Variants in ASTN1 observed in about 807,000 individuals in gnomAD.
The protein encoded by ASTN1 is astrotactin-1.
In ASTN1, 41 loss-of-function variants were observed where a neutral mutation model predicts 140.7. The ratio of observed to expected loss-of-function variants is 0.29; its 90% CI spans 0.23 to 0.38. The LOEUF is 0.38. ASTN1 is among the 10% of genes least tolerant of loss of function. The pLI is 1.00. For synonymous variants in ASTN1, 640 were observed against 652.2 expected, an observed-to-expected ratio of 0.98 and a Z score of 0.29; for missense variants, 1,479 against 1,678.8, an observed-to-expected ratio of 0.88 and a Z score of 2.08.
intron 1 of ASTN1, among the ~76,000 whole-genome samples, chr1:177,096,639 A>G (rs1023229393): frequency 6.6e-6 from 1 of 152,094 alleles, no homozygotes; most frequent in East Asian, 1.9e-4. Context: ...TTCTCTTGAT[A>G]GTGAAAAAGT....
chr1:176,861,144 A>C lies in ASTN1; in HGVS notation c.*3140T>G. On this transcript the variant is annotated 3_prime_UTR_variant, in exon 23 of 23. Transcript: ENST00000361833. ...ATCATACAATAATTCTCTTTTAAAC[A>C]ACACTGTTATACCTGAAGATGGTCA... 2.1e-6 allele frequency: 2 copies of C among 951,922 alleles called. No homozygotes were observed. The highest frequency in any genetic ancestry group is 2.5e-6 in the Non-Finnish European group (2 of 799,420). The allele number at this position is 951,922 out of a possible 1,614,324, so 59.0% of individuals were successfully genotyped here.
chr1:177,033,542 T>A (rs1486197989), intron 2 of ASTN1, among the ~76,000 whole-genome samples: 2 of 152,156 alleles, frequency 1.3e-5, no homozygotes, highest in African/African-American at 4.8e-5. Flanking sequence ...CATTGACAAA[T>A]CTGAATAGAA....
chr1:177,024,471 T>TC, intron 6 of ASTN1, 112 bp downstream of exon 6: 1 of 1,366,704 alleles, frequency 7.3e-7, no homozygotes, highest in Non-Finnish European at 1.0e-6. Flanking sequence ...AGTTTGGTTT[T>TC]CCCCCGGTAG....
chr1:177,011,368 C>G (rs1281289744), intron 8 of ASTN1, among the ~76,000 whole-genome samples: 3 of 152,142 alleles, frequency 2.0e-5, no homozygotes, highest in Non-Finnish European at 4.4e-5. Flanking sequence ...ACTTGTTACT[C>G]TTTCAACTGT....
intron 16 of ASTN1, among the ~76,000 whole-genome samples, chr1:176,929,403 G>A (rs1671107829): frequency 6.6e-6 from 1 of 152,174 alleles, no homozygotes; most frequent in South Asian, 2.1e-4. Context: ...TGGAGGAAGA[G>A]GCCGCTTGCT....
At chr1:177,136,380 T>C (rs1413027906) in intron 1 of ASTN1, among the ~76,000 whole-genome samples, 5 of 148,568 alleles carry the variant, frequency 3.4e-5, no homozygotes, top group African/African-American at 4.9e-5. Flanking sequence ...TGAGACAGGG[T>C]CTCTCTCTGT....
At chr1:176,894,469 C>A in intron 17 of ASTN1, 93 bp downstream of exon 17, 6 of 1,482,618 alleles carry the variant, frequency 4.0e-6, no homozygotes, top group Non-Finnish European at 5.4e-6. Flanking sequence ...TCTAGCATGG[C>A]CCTCAACCAC....
chr1:177,071,621 C>G (rs540504851), intron 1 of ASTN1, among the ~76,000 whole-genome samples: 1 of 152,308 alleles, frequency 6.6e-6, no homozygotes, highest in South Asian at 2.1e-4. Context: ...ATACAAACAG[C>G]CAGGGAGCCC....
intron 8 of ASTN1, among the ~76,000 whole-genome samples, chr1:176,968,477 C>T (rs866319672): frequency 1.3e-5 from 2 of 152,168 alleles, no homozygotes; most frequent in South Asian, 2.1e-4. Context: ...CCCCACCTCC[C>T]ACCTCCCACT....
intron 18 of ASTN1, 35 bp downstream of exon 18, chr1:176,888,036 C>T: frequency 1.2e-6 from 2 of 1,612,650 alleles, no homozygotes; most frequent in East Asian, 2.2e-5. Flanking sequence ...TATCTGTTTC[C>T]AGAGTAATGC....
chr1:176,891,727 A>G (rs995396975), intron 17 of ASTN1, among the ~76,000 whole-genome samples: 3 of 152,194 alleles, frequency 2.0e-5, no homozygotes, highest in Non-Finnish European at 4.4e-5. Flanking sequence ...CGGGAAGAGG[A>G]GGTTGCAGTG....
intron 2 of ASTN1, among the ~76,000 whole-genome samples, chr1:177,047,723 G>A (rs1677312435): frequency 6.6e-6 from 1 of 152,156 alleles, no homozygotes; most frequent in Admixed American, 6.6e-5. Flanking sequence ...AATAAAATGA[G>A]CAGAGCATGG....
Position 176,864,159 on chromosome 1 carries a change from G to C in ASTN1, c.*125C>G, listed in dbSNP as rs1157114120. On this transcript the variant is annotated 3_prime_UTR_variant, in exon 23 of 23. Coordinates refer to ENST00000361833, the MANE Select transcript of ASTN1 (RefSeq NM_004319.3). ...AGGGAGCAAGGATCACTTTCTCCCT[G>C]GTTTCGATGTTGCTGTGGAGGTTTT... The C allele has an allele frequency of 6.7e-7, 1 of 1,499,390 alleles. No individual in the cohort carries two copies. Among genetic ancestry groups the C allele is most frequent in the Non-Finnish European group, 8.8e-7 (1 of 1,132,238 alleles). The allele number at this position is 1,499,390 out of a possible 1,614,324, so 92.9% of individuals were successfully genotyped here. A position where few individuals can be genotyped will look rare whatever the true frequency, so the allele number is the denominator to read the frequency against.
rs148060350 is a variant in ASTN1, at chr1:176,949,344, G to T, written c.1895C>A (p.Ser632Tyr). ...GCTGTCCTTCATGGGACTGAGTCCA[G>T]ATGGGCACTGGCACAATCAGAAAAC... ...KLDSTGCVCP[S>Y]GLSPMKDSSG... The change falls in exon 12 of 23, where the codon TCT becomes TAT. Residue 632 changes from serine (S) to tyrosine (Y), a missense_variant. Coordinates refer to ENST00000361833, the MANE Select transcript of ASTN1 (RefSeq NM_004319.3). The T allele has an allele frequency of 1.7e-4, 275 of 1,613,460 alleles. 2 individuals carry two copies. The African/African-American group carries it at 3.2e-3, about 19-fold the overall frequency.
At chr1:176,915,115 A>T (rs1317702496) in intron 16 of ASTN1, among the ~76,000 whole-genome samples, 1 of 152,242 alleles carries the variant, frequency 6.6e-6, no homozygotes, top group Admixed American at 6.5e-5. Context: ...CAAGGAAAAA[A>T]TATAGCATAC....
chr1:176,966,217 T>A (rs1167117623), intron 8 of ASTN1, among the ~76,000 whole-genome samples: 1 of 152,184 alleles, frequency 6.6e-6, no homozygotes, highest in Non-Finnish European at 1.5e-5. Flanking sequence ...GTCAGGAGAA[T>A]AAATTATAAT....
At position 177,023,516 on chromosome 1, in the gene ASTN1, G is replaced by A. The variant is rs367613045; in HGVS notation, c.1326C>T (p.Asn442=). 2.1e-5 allele frequency: 33 copies of A among 1,608,854 alleles called. No individual in the cohort carries two copies. The highest frequency in any genetic ancestry group is 2.5e-5 in the Non-Finnish European group (29 of 1,178,378). Residue 442 remains asparagine, a synonymous_variant, in exon 7 of 23, where the codon AAC becomes AAT. Transcript: ENST00000361833. ...GAGAGAAGAGAACCACTTGGGCAGG[G>A]TTCAGCCAGTCACTGGCATCCAGCT... ...GSQLDASDWL[N]PAQVVLFSQQ... is the part of the protein sequence containing the mutation.
intron 2 of ASTN1, among the ~76,000 whole-genome samples, chr1:177,041,940 G>A (rs1676994597): frequency 6.6e-6 from 1 of 152,228 alleles, no homozygotes; most frequent in Non-Finnish European, 1.5e-5. Context: ...ACTGCAGGAA[G>A]ACCTTATGCA....
chr1:177,113,671 G>T (rs181294052), intron 1 of ASTN1, among the ~76,000 whole-genome samples: 123 of 152,308 alleles, frequency 8.1e-4, no homozygotes, highest in African/African-American at 2.8e-3. Flanking sequence ...TCCAGAAGCT[G>T]GGCTGTGCCC....
Sources: allele counts gnomAD v4.1 joint callset (sites outside exome capture counted in the v4.1 genomes callset), GRCh38; gene constraint gnomAD v4.1.1; transcripts MANE v1.5; gene names NCBI Gene and HGNC (gene_info 2026-07-23, HGNC 2026-07-21).